The following SPATS1 variants were observed in gnomAD, a reference collection of about 807,000 sequenced individuals.
The protein encoded by SPATS1 is spermatogenesis-associated serine-rich protein 1.
SPATS1 carries 23 observed loss-of-function variants against 33.6 expected under a neutral mutation model. The ratio of observed to expected loss-of-function variants is 0.68; its 90% CI spans 0.49 to 0.97. SPATS1 has a LOEUF of 0.97. Ranked by LOEUF, SPATS1 falls within the 50% of genes least tolerant of loss-of-function variation. The pLI, the probability that SPATS1 is intolerant of heterozygous loss-of-function variation, is 0.00. For synonymous variants in SPATS1, 131 were observed against 125.6 expected, an observed-to-expected ratio of 1.04 and a Z score of -0.29; for missense variants, 327 against 361.0, an observed-to-expected ratio of 0.91 and a Z score of 0.76.
intron 4 of SPATS1, among the ~76,000 whole-genome samples, chr6:44,360,878 T>C (rs746290173): frequency 6.6e-6 from 1 of 152,222 alleles, no homozygotes; most frequent in Non-Finnish European, 1.5e-5. Flanking sequence ...GAAGAGTCGA[T>C]ATATATTTTT....
chr6:44,344,014 C>A (rs558980790), intron 2 of SPATS1, among the ~76,000 whole-genome samples: 1 of 152,288 alleles, frequency 6.6e-6, no homozygotes, highest in East Asian at 1.9e-4. Context: ...ACTCATTCCA[C>A]CCAGCTATTA....
At chr6:44,368,726 C>T (rs1387296595) in intron 6 of SPATS1, among the ~76,000 whole-genome samples, 1 of 152,058 alleles carries the variant, frequency 6.6e-6, no homozygotes, top group Non-Finnish European at 1.5e-5. Flanking sequence ...TAATTTTGTT[C>T]CTATCTCTAT....
chr6:44,366,193 C>T (rs930809765), intron 5 of SPATS1, among the ~76,000 whole-genome samples: 4 of 151,168 alleles, frequency 2.6e-5, no homozygotes, highest in East Asian at 3.9e-4. Flanking sequence ...GGTGCGATCT[C>T]GGCTCACTGC....
intron 3 of SPATS1, among the ~76,000 whole-genome samples, chr6:44,357,629 C>A (rs1831486): frequency 0.99 from 151,021 of 152,266 alleles, 74,908 homozygotes; most frequent in East Asian, 1. Flanking sequence ...TGATCCACCC[C>A]CCTCAGCCTC....
chr6:44,372,587 G>A (rs984460185), intron 7 of SPATS1, among the ~76,000 whole-genome samples: 3 of 151,894 alleles, frequency 2.0e-5, no homozygotes, highest in East Asian at 1.9e-4. Context: ...TCAGCCTCCC[G>A]AGTGGCTGGG....
At chr6:44,370,025 T>C (rs1424676542) in intron 6 of SPATS1, 26 bp from the exon 7 acceptor site, 9 of 1,589,892 alleles carry the variant, frequency 5.7e-6, no homozygotes, top group Non-Finnish European at 6.9e-6. Flanking sequence ...CATACCAGTT[T>C]TATGATTGCC....
chr6:44,372,001 T>C (rs1194392172), intron 7 of SPATS1, among the ~76,000 whole-genome samples: 1 of 150,154 alleles, frequency 6.7e-6, no homozygotes. Flanking sequence ...CTCACTCCTG[T>C]AACCACAGCA....
intron 8 of SPATS1, among the ~76,000 whole-genome samples, chr6:44,376,724 T>C (rs563873822): frequency 3.3e-5 from 5 of 152,242 alleles, no homozygotes; most frequent in Admixed American, 1.3e-4. Context: ...CACTTGAACC[T>C]GGGAGGTGGA....
intron 7 of SPATS1, among the ~76,000 whole-genome samples, chr6:44,371,838 G>A (rs1171478967): frequency 2.0e-5 from 3 of 151,890 alleles, no homozygotes; most frequent in Non-Finnish European, 4.4e-5. Context: ...CCAGCTACTC[G>A]GGAGGCTGAG....
chr6:44,375,308 G>A (rs2153370746), intron 7 of SPATS1, among the ~76,000 whole-genome samples: 1 of 152,318 alleles, frequency 6.6e-6, no homozygotes, highest in East Asian at 1.9e-4. Context: ...ACTACTCTTG[G>A]GTCTGAGCAG....
intron 4 of SPATS1, 71 bp downstream of exon 4, chr6:44,360,641 C>A: frequency 5.1e-6 from 8 of 1,558,774 alleles, no homozygotes; most frequent in Non-Finnish European, 2.6e-6. Flanking sequence ...TACTGTTGGC[C>A]ACCCTCATCG....
chr6:44,377,525 T>A lies in SPATS1; in HGVS notation c.*462T>A, dbSNP rs1322717382. 5.8e-6 allele frequency: 1 copy of A among 170,958 alleles called. No homozygotes were observed. Among genetic ancestry groups the A allele is most frequent in the African/African-American group, 2.4e-5 (1 of 41,748 alleles). The allele number at this position is 170,958 out of a possible 1,614,324, so 10.6% of individuals were successfully genotyped here. On this transcript the variant is annotated 3_prime_UTR_variant, in exon 9 of 9. Transcript: ENST00000674044. ...TTAGTCCACATTCAATTTTAGTCAA[T>A]TATATTTAGTTTTCTAAGGATGCCC...
At chr6:44,373,066 G>T (rs1789722347) in intron 7 of SPATS1, among the ~76,000 whole-genome samples, 1 of 152,146 alleles carries the variant, frequency 6.6e-6, no homozygotes, top group Admixed American at 6.5e-5. Context: ...ACACATGTGT[G>T]TCTTAATATT....
At chr6:44,361,298 C>T in intron 4 of SPATS1, 1 of 982,642 alleles carries the variant, frequency 1.0e-6, no homozygotes, top group East Asian at 1.1e-4. Context: ...GGTCCAGAAA[C>T]TAGCCTGGGG....
At chr6:44,347,656 T>A (rs1561953959) in intron 2 of SPATS1, among the ~76,000 whole-genome samples, 1 of 152,236 alleles carries the variant, frequency 6.6e-6, no homozygotes, top group African/African-American at 2.4e-5. Context: ...ATTTTCCAGT[T>A]TGGGATAAGA....
At position 44,343,316 on chromosome 6, in the gene SPATS1, G is replaced by T. The variant is rs985502802; in HGVS notation, c.139+82G>T. The T allele has an allele frequency of 2.7e-6, 4 of 1,479,220 alleles. No homozygotes were observed. In the African/African-American group the frequency reaches 4.2e-5, roughly 15 times the overall value. 91.6% of individuals were successfully genotyped at this position (1,479,220 alleles called of 1,614,324 possible). ...ACCCGGGGGCGGGGGCAGGTGGGGGGCACCATTTGAAGTTTAGAAGGAAGC... is the reference window on the plus strand; with the variant it reads ...ACCCGGGGGCGGGGGCAGGTGGGGGTCACCATTTGAAGTTTAGAAGGAAGC... On this transcript the variant is annotated intron_variant, in intron 2 of 8. Transcript: ENST00000674044.
In SPATS1 at chr6:44,346,067, G is replaced by A. The variant is rs139975372; in HGVS notation, c.139+2833G>A. Among the ~76,000 whole-genome samples the A allele has an allele frequency of 9.1e-3, 1,390 of 152,186 alleles. 8 individuals are homozygous for A. Among genetic ancestry groups the A allele is most frequent in the Non-Finnish European group, 0.013 (887 of 68,014 alleles). ...CTTTTGAGGTGGGTGGATCACTTGA[G>A]CTCAGGAGTTTGAGAGCAGCCTGGG... On this transcript the variant is annotated intron_variant, in intron 2 of 8. Coordinates refer to ENST00000674044, the MANE Select transcript of SPATS1 (RefSeq NM_001372081.1).
intron 3 of SPATS1, among the ~76,000 whole-genome samples, chr6:44,355,564 G>T (rs1178800639): frequency 6.6e-6 from 1 of 152,224 alleles, no homozygotes; most frequent in Non-Finnish European, 1.5e-5. Context: ...TAGTTTTAAA[G>T]AGTTGCTATT....
chr6:44,356,302 T>C (rs1788584916), intron 3 of SPATS1, among the ~76,000 whole-genome samples: 2 of 152,194 alleles, frequency 1.3e-5, no homozygotes, highest in South Asian at 4.1e-4. Flanking sequence ...TTCTACTCCA[T>C]CTATATTACC....
Sources: allele counts gnomAD v4.1 joint callset (sites outside exome capture counted in the v4.1 genomes callset), GRCh38; gene constraint gnomAD v4.1.1; transcripts MANE v1.5; gene names NCBI Gene and HGNC (gene_info 2026-07-23, HGNC 2026-07-21).